TBCK: variants seen among roughly 807,000 people sequenced by gnomAD.
TBCK encodes the protein TBC1 domain containing kinase.
A neutral mutation model predicts 113.4 loss-of-function variants in TBCK; 99 were observed. The observed-to-expected ratio is 0.87, with a 90% CI of 0.74 to 1.03. The LOEUF (loss-of-function observed/expected upper bound fraction) is 1.03. Among genes scored for constraint, TBCK ranks in the 50% least tolerant of loss-of-function variants. TBCK has a pLI of 0.00. For synonymous variants in TBCK, 369 were observed against 370.8 expected, an observed-to-expected ratio of 1.00 and a Z score of 0.05; for missense variants, 1,045 against 1,061.3, an observed-to-expected ratio of 0.98 and a Z score of 0.21.
intron 10 of TBCK, among the ~76,000 whole-genome samples, chr4:106,246,397 A>T (rs543749421): frequency 6.6e-5 from 10 of 152,294 alleles, no homozygotes; most frequent in Admixed American, 6.5e-4. Context: ...CTTACATTCC[A>T]AGAGTCGTAA....
At position 106,242,518 on chromosome 4, in the gene TBCK, C is replaced by A. The variant is rs150059338; in HGVS notation, c.1122G>T (p.Ser374=). 242 of 1,608,916 alleles carry A rather than the reference C, an allele frequency of 1.5e-4. No individual in the cohort carries two copies. Among genetic ancestry groups the A allele is most frequent in the Non-Finnish European group, 1.6e-4 (185 of 1,177,730 alleles). Residue 374 remains serine (S), a synonymous_variant, in exon 12 of 26, where the codon TCG becomes TCT. Coordinates refer to ENST00000394708, the MANE Select transcript of TBCK (RefSeq NM_001163435.3). ...ESFGQGRDRS[S]LLDDTTVTLS... ...ATGTCACAGTGGTATCATCTAAAAG[C>A]GAGCTTCTATCTCGACCTTGTCCAA...
chr4:106,303,777 CT>C (rs984961917), intron 2 of TBCK, among the ~76,000 whole-genome samples: 1 of 152,146 alleles, frequency 6.6e-6, no homozygotes, highest in Non-Finnish European at 1.5e-5. Flanking sequence ...ACTACCCCTT[CT>C]TTTTTGCCTG....
In TBCK at chr4:106,288,106, T is replaced by TAA. The variant is rs58899758; in HGVS notation, c.266+6986_266+6987dup. ...AGTGAATAACTCAACAACCCTTTCTTAAAAAAAAAAAAAAAAAAAATTAAG... is the reference window on the plus strand; with the variant it reads ...AGTGAATAACTCAACAACCCTTTCTTAAAAAAAAAAAAAAAAAAAAAATTAAG... On this transcript the variant is annotated intron_variant, in intron 3 of 25. Transcript: ENST00000394708. Among the ~76,000 whole-genome samples, 9 of 131,926 alleles carry TAA rather than the reference T, an allele frequency of 6.8e-5. 1 individual carries two copies. The highest frequency in any genetic ancestry group is 8.1e-3 in the Middle Eastern group (2 of 246). 86.5% of individuals were successfully genotyped at this position (131,926 alleles called of 152,430 possible). A position where few individuals can be genotyped will look rare whatever the true frequency, so the allele number is the denominator to read the frequency against.
At chr4:106,106,611 T>C (rs997156334) in intron 24 of TBCK, among the ~76,000 whole-genome samples, 2 of 152,220 alleles carry the variant, frequency 1.3e-5, no homozygotes, top group African/African-American at 4.8e-5. Context: ...ACTTCATTAC[T>C]ACCAGACCTG....
intron 19 of TBCK, among the ~76,000 whole-genome samples, chr4:106,227,127 T>C (rs1177792527): frequency 1.3e-5 from 2 of 152,050 alleles, no homozygotes; most frequent in Non-Finnish European, 2.9e-5. Context: ...GTGCAAAGAA[T>C]TGGACACATC....
intron 25 of TBCK, among the ~76,000 whole-genome samples, chr4:106,073,504 C>T (rs1289704677): frequency 3.3e-5 from 5 of 152,182 alleles, no homozygotes; most frequent in Non-Finnish European, 5.9e-5. Flanking sequence ...ATCAGAGGGG[C>T]ACCTGGGTGT....
chr4:106,234,022 A>G (rs1489139889), intron 15 of TBCK, among the ~76,000 whole-genome samples: 6 of 152,258 alleles, frequency 3.9e-5, no homozygotes, highest in Admixed American at 1.3e-4. Flanking sequence ...ATTAGGGCCT[A>G]AAGAGGTCAT....
intron 19 of TBCK, among the ~76,000 whole-genome samples, chr4:106,225,023 C>T (rs565267959): frequency 4.7e-4 from 71 of 152,218 alleles, no homozygotes; most frequent in African/African-American, 1.6e-3. Context: ...CATTTATTTA[C>T]CGTATCATAG....
chr4:106,259,253 G>A (rs1412569717), intron 5 of TBCK, among the ~76,000 whole-genome samples: 1 of 151,532 alleles, frequency 6.6e-6, no homozygotes, highest in Non-Finnish European at 1.5e-5. Flanking sequence ...TTATATATGA[G>A]GCTGGCTTTA....
At chr4:106,205,714 C>T (rs757038000) in intron 20 of TBCK, among the ~76,000 whole-genome samples, 1 of 149,628 alleles carries the variant, frequency 6.7e-6, no homozygotes, top group Non-Finnish European at 1.5e-5. Flanking sequence ...TGCAGTGAGC[C>T]GAGATCACTG....
At chr4:106,298,649 CA>C (rs1172058797) in intron 2 of TBCK, among the ~76,000 whole-genome samples, 3 of 151,964 alleles carry the variant, frequency 2.0e-5, no homozygotes, top group African/African-American at 7.2e-5. Flanking sequence ...GTGCTTCCTT[CA>C]AGTGAAAAGG....
intron 17 of TBCK, 152 bp downstream of exon 17, chr4:106,232,786 G>T: frequency 1.6e-6 from 1 of 622,254 alleles, no homozygotes; most frequent in Non-Finnish European, 2.6e-6. Context: ...TTTTAAAAAT[G>T]TTTGGATGTA....
intron 20 of TBCK, among the ~76,000 whole-genome samples, chr4:106,196,304 C>A (rs1033156083): frequency 2.0e-5 from 3 of 151,696 alleles, no homozygotes; most frequent in African/African-American, 7.2e-5. Context: ...GTAAAAATCT[C>A]CTTTGTCAAT....
intron 25 of TBCK, among the ~76,000 whole-genome samples, chr4:106,062,776 A>C (rs1736193074): frequency 6.6e-6 from 1 of 151,918 alleles, no homozygotes; most frequent in South Asian, 2.1e-4. Flanking sequence ...GTGAGTGCCA[A>C]AGATCACAAG....
intron 24 of TBCK, among the ~76,000 whole-genome samples, chr4:106,115,506 C>T (rs1743378835): frequency 6.6e-6 from 1 of 152,084 alleles, no homozygotes; most frequent in African/African-American, 2.4e-5. Flanking sequence ...TTAGTTATAA[C>T]ATTCATTTAT....
chr4:106,057,964 G>A (rs1291955174), intron 25 of TBCK, among the ~76,000 whole-genome samples: 1 of 151,714 alleles, frequency 6.6e-6, no homozygotes, highest in East Asian at 1.9e-4. Context: ...AATTAAACTA[G>A]TACTTGACAC....
At chr4:106,255,310 C>A (rs921347263) in intron 5 of TBCK, among the ~76,000 whole-genome samples, 15 of 152,234 alleles carry the variant, frequency 9.9e-5, no homozygotes, top group Non-Finnish European at 2.1e-4. Context: ...CCGTTCCATC[C>A]ACTTGGACTG....
rs191952473 is a variant in TBCK, at chr4:106,066,975, T to C, written c.2572-20295A>G. Among the ~76,000 whole-genome samples, 20 of 152,264 alleles carry C rather than the reference T, an allele frequency of 1.3e-4. No homozygotes were observed. The East Asian group carries it at 3.1e-3, about 23-fold the overall frequency. ...CTTGTCAATAATGCTACAATGAACA[T>C]TGGTGTACAATATCTGTTTGAGTCC... On this transcript the variant is annotated intron_variant, in intron 25 of 25. Transcript: ENST00000394708.
intron 3 of TBCK, among the ~76,000 whole-genome samples, chr4:106,264,823 A>T (rs1433576517): frequency 6.6e-5 from 10 of 151,934 alleles, no homozygotes; most frequent in Non-Finnish European, 1.5e-4. Context: ...ATTGTTTCAT[A>T]CAGAGAGCAT....
Sources: gnomAD v4.1 joint callset for allele counts (sites outside exome capture counted in the v4.1 genomes callset) on GRCh38, gnomAD v4.1.1 for gene constraint, MANE v1.5 for transcripts, NCBI Gene and HGNC (gene_info 2026-07-23, HGNC 2026-07-21) for gene names.